The following CYP20A1 variants were observed in gnomAD, a reference collection of about 807,000 sequenced individuals.
CYP20A1 encodes cytochrome P450 20A1.
CYP20A1 carries 61 observed loss-of-function variants against 61.4 expected under a neutral mutation model. The observed-to-expected ratio is 0.99, with a 90% CI of 0.81 to 1.23. The LOEUF is 1.23. CYP20A1 is among the 50% of genes most tolerant of loss of function. The pLI, the probability that CYP20A1 is intolerant of heterozygous loss-of-function variation, is 0.00. For missense variants in CYP20A1, 530 were observed against 542.4 expected (o/e 0.98, Z 0.23); for synonymous variants, 193 against 188.2 (o/e 1.03, Z -0.21).
intron 11 of CYP20A1, among the ~76,000 whole-genome samples, chr2:203,294,578 G>A (rs551444155): frequency 2.8e-4 from 43 of 152,024 alleles, no homozygotes; most frequent in African/African-American, 1.0e-3. Flanking sequence ...TATAGAGTAC[G>A]CTTTTCATTC....
intron 11 of CYP20A1, among the ~76,000 whole-genome samples, chr2:203,295,684 A>C (rs2068760374): frequency 1.3e-5 from 2 of 152,204 alleles, no homozygotes; most frequent in South Asian, 4.1e-4. Flanking sequence ...GCCGTGGCTC[A>C]TACCTATAAT....
rs766331078 is a variant in CYP20A1, at chr2:203,280,069, A to G, written c.806A>G (p.Asp269Gly). 1.2e-6 allele frequency: 2 copies of G among 1,607,140 alleles called. No individual in the cohort carries two copies. The highest frequency in any genetic ancestry group is 2.2e-5 in the South Asian group (2 of 89,260). ...GNLNDQQILEDSMIFSLASCI... is the reference protein window; with the variant it reads ...GNLNDQQILEGSMIFSLASCI... ...AGTTTTGTTTCCTAGATCCTAGAAGACAGTATGATATTTTCTCTGGCCAGT... is the reference window on the plus strand; with the variant it reads ...AGTTTTGTTTCCTAGATCCTAGAAGGCAGTATGATATTTTCTCTGGCCAGT... Residue 269 changes from aspartate (D) to glycine (G), a missense_variant, in exon 8 of 13, where the codon GAC becomes GGC. By Grantham distance (94) the Asp-to-Gly change is moderately conservative. Coordinates refer to ENST00000356079, the MANE Select transcript of CYP20A1 (RefSeq NM_177538.3).
chr2:203,254,437 C>T (rs900968033), intron 4 of CYP20A1, among the ~76,000 whole-genome samples: 1 of 151,328 alleles, frequency 6.6e-6, no homozygotes, highest in Non-Finnish European at 1.5e-5. Flanking sequence ...CCTAGCTACT[C>T]GGGAGGCTGA....
chr2:203,272,028 G>T (rs1442116521), intron 5 of CYP20A1, among the ~76,000 whole-genome samples: 11 of 152,126 alleles, frequency 7.2e-5, no homozygotes. Flanking sequence ...CTCTGTCTCG[G>T]CGTGGGGGAA....
intron 4 of CYP20A1, among the ~76,000 whole-genome samples, chr2:203,262,110 C>A (rs1290061920): frequency 6.6e-6 from 1 of 152,212 alleles, no homozygotes; most frequent in Non-Finnish European, 1.5e-5. Flanking sequence ...AAGCAAAACT[C>A]TTCTTACAAA....
intron 11 of CYP20A1, among the ~76,000 whole-genome samples, chr2:203,294,241 C>T (rs747560901): frequency 1.7e-4 from 26 of 151,748 alleles, no homozygotes; most frequent in Non-Finnish European, 2.9e-4. Context: ...ATAAGCAAGA[C>T]GCCAACTATG....
rs1172847773 is a variant in CYP20A1, at chr2:203,287,939, G to C, written c.972-1826G>C. ...CTTCTTTAGTTAAGTCCGGGTTTTG[G>C]TTTTTGGTTTTGGGGTGGAGTGTTT... On this transcript the variant is annotated intron_variant, in intron 9 of 12. Transcript: ENST00000356079. Among the ~76,000 whole-genome samples, 4 of 145,992 alleles carry C rather than the reference G, an allele frequency of 2.7e-5. No individual in the cohort carries two copies. In the Admixed American group the frequency reaches 2.8e-4, roughly 10 times the overall value.
At chr2:203,277,070 C>T (rs552158212) in intron 6 of CYP20A1, among the ~76,000 whole-genome samples, 2 of 152,094 alleles carry the variant, frequency 1.3e-5, no homozygotes, top group African/African-American at 2.4e-5. Context: ...GTTTCTTGGC[C>T]GGGCGTGGTG....
chr2:203,302,440 G>A lies in CYP20A1; in HGVS notation c.*5532G>A, dbSNP rs1021449741. Among the ~76,000 whole-genome samples the A allele has an allele frequency of 1.3e-5, 2 of 152,172 alleles. No individual in the cohort carries two copies. Among genetic ancestry groups the A allele is most frequent in the Admixed American group, 6.5e-5 (1 of 15,272 alleles). On this transcript the variant is annotated 3_prime_UTR_variant, in exon 13 of 13. Transcript: ENST00000356079. ...TCCCAACTATTCAGGAGGCTGAGGC[G>A]AGAGGATGGCTTGAGCTCAGGAAGT...
chr2:203,284,745 T>G (rs2068196084), intron 8 of CYP20A1, among the ~76,000 whole-genome samples: 1 of 144,874 alleles, frequency 6.9e-6, no homozygotes, highest in Non-Finnish European at 1.5e-5. Flanking sequence ...TGCTTTTTTT[T>G]TTTTTTTTTT....
At chr2:203,254,347 C>CT (rs1169132688) in intron 4 of CYP20A1, among the ~76,000 whole-genome samples, 3 of 152,056 alleles carry the variant, frequency 2.0e-5, no homozygotes, top group Admixed American at 2.0e-4. Context: ...GAGTTCGAGA[C>CT]TGGCCTGCCT....
At chr2:203,240,700 G>T (rs1431446738) in intron 1 of CYP20A1, among the ~76,000 whole-genome samples, 1 of 152,160 alleles carries the variant, frequency 6.6e-6, no homozygotes, top group Non-Finnish European at 1.5e-5. Flanking sequence ...CACGCCTGGT[G>T]TGTTCCTGGA....
At chr2:203,268,150 C>T (rs886884018) in intron 5 of CYP20A1, among the ~76,000 whole-genome samples, 1 of 152,100 alleles carries the variant, frequency 6.6e-6, no homozygotes, top group Non-Finnish European at 1.5e-5. Context: ...TTCCTCAAAC[C>T]ATTTGAGAGT....
chr2:203,244,871 T>C (rs1389358146), intron 1 of CYP20A1, among the ~76,000 whole-genome samples: 1 of 151,348 alleles, frequency 6.6e-6, no homozygotes, highest in Non-Finnish European at 1.5e-5. Flanking sequence ...TAGCTGGGAC[T>C]ACAGGCGCCC....
chr2:203,260,947 C>T (rs1384443284), intron 4 of CYP20A1, among the ~76,000 whole-genome samples: 1 of 152,114 alleles, frequency 6.6e-6, no homozygotes, highest in Non-Finnish European at 1.5e-5. Flanking sequence ...ATAGTGCTTT[C>T]TCTCTCTCTC....
At chr2:203,290,301 G>T (rs1409310802) in intron 10 of CYP20A1, among the ~76,000 whole-genome samples, 1 of 152,082 alleles carries the variant, frequency 6.6e-6, no homozygotes, top group Non-Finnish European at 1.5e-5. Context: ...TTAAATAAAA[G>T]ACACAATTAT....
At chr2:203,281,762 CT>C (rs1482860049) in intron 8 of CYP20A1, among the ~76,000 whole-genome samples, 4 of 151,988 alleles carry the variant, frequency 2.6e-5, no homozygotes, top group Non-Finnish European at 5.9e-5. Context: ...GATCGCACCA[CT>C]GCACTCCAGC....
intron 4 of CYP20A1, among the ~76,000 whole-genome samples, chr2:203,258,005 G>GCACAATTATAGCTCACCGGAGCATCGA (rs1455916330): frequency 6.6e-6 from 1 of 151,752 alleles, no homozygotes; most frequent in Non-Finnish European, 1.5e-5. Context: ...GGGCTGAAGG[G>GCACAATTATAGCTCACCGGAGCATCGA]ATCCTCCTGC....
intron 4 of CYP20A1, among the ~76,000 whole-genome samples, chr2:203,254,025 GC>G (rs2066800780): frequency 1.3e-5 from 2 of 152,020 alleles, no homozygotes; most frequent in Middle Eastern, 3.4e-3. Context: ...TCGGCTCACT[GC>G]AACTTCCGCC....
Sources: allele counts gnomAD v4.1 joint callset (sites outside exome capture counted in the v4.1 genomes callset), GRCh38; gene constraint gnomAD v4.1.1; transcripts MANE v1.5; gene names NCBI Gene and HGNC (gene_info 2026-07-23, HGNC 2026-07-21).